The following RIMBP2 variants were observed in gnomAD, a reference collection of about 807,000 sequenced individuals.
RIMBP2 encodes RIMS-binding protein 2.
Under a neutral mutation model 118.6 loss-of-function variants are expected in RIMBP2, and 48 were observed. That is an observed-to-expected ratio of 0.40 (90% CI 0.32 to 0.51). The LOEUF (loss-of-function observed/expected upper bound fraction) is 0.51, where lower values mean the gene tolerates loss of function less well. RIMBP2 is among the 20% of genes least tolerant of loss of function. RIMBP2 has a pLI of 0.41. For missense variants in RIMBP2, 1,551 were observed against 1,768.3 expected, an observed-to-expected ratio of 0.88 and a Z score of 2.20; for synonymous variants, 762 against 742.9, an observed-to-expected ratio of 1.03 and a Z score of -0.42.
chr12:130,520,356 C>T (rs35065218), intron 2 of RIMBP2, among the ~76,000 whole-genome samples: 9,702 of 152,040 alleles, frequency 0.064, 425 homozygotes, highest in South Asian at 0.16. Context: ...CAAGCGTGAA[C>T]AGGCACTTCA....
intron 4 of RIMBP2, among the ~76,000 whole-genome samples, chr12:130,482,861 C>G (rs1204842584): frequency 9.6e-6 from 1 of 104,032 alleles, no homozygotes; most frequent in African/African-American, 3.3e-5. Flanking sequence ...CATCCAAATA[C>G]ACCCATTGTG....
Position 130,422,353 on chromosome 12 carries a change from C to A in RIMBP2, c.3238+100G>T. 1.4e-6 allele frequency: 1 copy of A among 698,112 alleles called. No homozygotes were observed. Among genetic ancestry groups the A allele is most frequent in the Non-Finnish European group, 2.4e-6 (1 of 413,698 alleles). 43.2% of individuals were successfully genotyped at this position (698,112 alleles called of 1,614,324 possible). On this transcript the variant is annotated intron_variant, in intron 17 of 22. Coordinates refer to ENST00000690449, the MANE Select transcript of RIMBP2 (RefSeq NM_001393629.1). This position sits in a 1 kb window ranked among gnomAD's most constrained non-coding sequence, Gnocchi z 5.2. ...ATGAATAACAGTGTTCTTTGCTTAG[C>A]GGAAAATGCTACTCCTAAAGTTTTG...
At chr12:130,653,626 C>T (rs1283276469) in intron 1 of RIMBP2, among the ~76,000 whole-genome samples, 4 of 152,222 alleles carry the variant, frequency 2.6e-5, no homozygotes, top group African/African-American at 9.6e-5. Flanking sequence ...CCCCACAGTT[C>T]CCCTCAGCCT....
intron 10 of RIMBP2, among the ~76,000 whole-genome samples, 170 bp downstream of exon 10, chr12:130,444,990 G>A (rs765524473): frequency 3.9e-5 from 6 of 152,172 alleles, no homozygotes; most frequent in East Asian, 3.9e-4. Flanking sequence ...CTTTCCAGTC[G>A]TCAAAGAGGG....
intron 6 of RIMBP2, among the ~76,000 whole-genome samples, chr12:130,459,691 T>C (rs1194889796): frequency 6.6e-6 from 1 of 151,920 alleles, no homozygotes; most frequent in Non-Finnish European, 1.5e-5. Flanking sequence ...TGCTTTTGTT[T>C]GCAGGAGGAC....
At chr12:130,462,673 A>C (rs567818766) in intron 6 of RIMBP2, among the ~76,000 whole-genome samples, 124 of 152,320 alleles carry the variant, frequency 8.1e-4, no homozygotes, top group Non-Finnish European at 1.2e-3. Flanking sequence ...TGGTTGCCCT[A>C]GTCCCTGTGC....
chr12:130,705,720 C>T (rs941929966), intron 1 of RIMBP2, among the ~76,000 whole-genome samples: 11 of 152,242 alleles, frequency 7.2e-5, no homozygotes, highest in African/African-American at 1.9e-4. Flanking sequence ...GGGCCACAGG[C>T]GCCCAGCCTG....
At chr12:130,682,288 G>A (rs1417289877) in intron 1 of RIMBP2, among the ~76,000 whole-genome samples, 1 of 152,192 alleles carries the variant, frequency 6.6e-6, no homozygotes, top group African/African-American at 2.4e-5. Context: ...CTGCCGGCTG[G>A]ATGCTGGGGC....
At chr12:130,403,252 C>G (rs561147381) in intron 21 of RIMBP2, among the ~76,000 whole-genome samples, 1 of 152,234 alleles carries the variant, frequency 6.6e-6, no homozygotes, top group East Asian at 1.9e-4. Context: ...CTGGGCAGTC[C>G]GCTCAGTGAA....
intron 6 of RIMBP2, 125 bp downstream of exon 6, chr12:130,470,568 T>C (rs1027530986): frequency 1.9e-4 from 85 of 458,726 alleles, no homozygotes; most frequent in African/African-American, 1.2e-3. Flanking sequence ...GACACATGAA[T>C]GGCATCTAGT....
intron 1 of RIMBP2, among the ~76,000 whole-genome samples, chr12:130,656,223 C>T (rs904126268): frequency 2.0e-5 from 3 of 152,114 alleles, no homozygotes; most frequent in Non-Finnish European, 4.4e-5. Context: ...TTGGGGGACC[C>T]GGCAAGAATC....
intron 2 of RIMBP2, among the ~76,000 whole-genome samples, chr12:130,557,776 T>C (rs2056490392): frequency 6.6e-6 from 1 of 152,208 alleles, no homozygotes; most frequent in Non-Finnish European, 1.5e-5. Flanking sequence ...TCCTCTTTTT[T>C]CCTGTACTTA....
chr12:130,640,540 T>C (rs1486171835), intron 1 of RIMBP2, among the ~76,000 whole-genome samples: 14 of 152,228 alleles, frequency 9.2e-5, no homozygotes, highest in African/African-American at 2.9e-4. Flanking sequence ...TTTTGAGAGC[T>C]TCCTCTGTAC....
chr12:130,564,020 GTC>G (rs2057023946), intron 2 of RIMBP2, among the ~76,000 whole-genome samples: 3 of 149,818 alleles, frequency 2.0e-5, no homozygotes, highest in Admixed American at 6.6e-5. Context: ...TCCTATACAA[GTC>G]AGGCAGTCCC....
intron 2 of RIMBP2, among the ~76,000 whole-genome samples, chr12:130,614,577 G>T (rs2060779177): frequency 1.3e-5 from 2 of 152,166 alleles, no homozygotes; most frequent in South Asian, 4.1e-4. Flanking sequence ...CTGACCCAGA[G>T]ATTCCCAGAA....
intron 2 of RIMBP2, among the ~76,000 whole-genome samples, chr12:130,559,335 A>G (rs563949782): frequency 6.6e-6 from 1 of 152,014 alleles, no homozygotes; most frequent in Admixed American, 6.5e-5. Flanking sequence ...CCTGGCCCCA[A>G]CCTCTGGTAA....
intron 3 of RIMBP2, among the ~76,000 whole-genome samples, chr12:130,516,919 C>T (rs2051525188): frequency 6.6e-6 from 1 of 152,136 alleles, no homozygotes; most frequent in Admixed American, 6.5e-5. Context: ...ATGGCTTTGG[C>T]ATCTGGGAAA....
At chr12:130,699,431 A>T (rs1377805044) in intron 1 of RIMBP2, among the ~76,000 whole-genome samples, 1 of 152,032 alleles carries the variant, frequency 6.6e-6, no homozygotes, top group African/African-American at 2.4e-5. Flanking sequence ...CTTTGTAGGG[A>T]CATGGATGAA....
intron 2 of RIMBP2, among the ~76,000 whole-genome samples, chr12:130,594,913 C>T (rs999680791): frequency 5.3e-5 from 8 of 152,020 alleles, no homozygotes; most frequent in Non-Finnish European, 1.0e-4. Context: ...CTATTCTTGC[C>T]GGGGAGTAAT....
Sources: gnomAD v4.1 joint callset for allele counts (sites outside exome capture counted in the v4.1 genomes callset) on GRCh38, gnomAD v4.1.1 for gene constraint, Gnocchi (gnomAD v3.1) non-coding constraint, MANE v1.5 for transcripts, NCBI Gene and HGNC (gene_info 2026-07-23, HGNC 2026-07-21) for gene names.